The following MTUS2 variants were observed in gnomAD, a reference collection of about 807,000 sequenced individuals.
The protein encoded by MTUS2 is microtubule associated scaffold protein 2, also known as microtubule-associated tumor suppressor candidate 2.
A neutral mutation model predicts 114.1 loss-of-function variants in MTUS2; 40 were observed. The observed-to-expected ratio is 0.35, with a 90% CI of 0.27 to 0.46. MTUS2 has a LOEUF of 0.46. Ranked by LOEUF, MTUS2 falls within the 20% of genes least tolerant of loss-of-function variation. The pLI, the probability that MTUS2 is intolerant of heterozygous loss-of-function variation, is 1.00. For synonymous variants in MTUS2, 688 were observed against 672.0 expected (o/e 1.02, Z -0.37); for missense variants, 1,679 against 1,705.4 (o/e 0.98, Z 0.27).
chr13:28,956,368 C>G (rs1468925399), intron 2 of MTUS2, among the ~76,000 whole-genome samples: 1 of 152,082 alleles, frequency 6.6e-6, no homozygotes, highest in Non-Finnish European at 1.5e-5. Flanking sequence ...GTAGATGGTG[C>G]CACATCAGTT....
chr13:29,059,228 A>ATTTTTTTTT (rs35369352), intron 4 of MTUS2, among the ~76,000 whole-genome samples: 5 of 97,124 alleles, frequency 5.1e-5, no homozygotes, highest in South Asian at 4.4e-4. Context: ...TATTCTTTGG[A>ATTTTTTTTT]TTTTTTTTTT....
chr13:29,307,440 C>T (rs1899526583), intron 6 of MTUS2: 1 of 1,315,480 alleles, frequency 7.6e-7, no homozygotes, highest in Non-Finnish European at 1.1e-6. Flanking sequence ...CCAAGGTCAT[C>T]CCTGAGCTGA....
At chr13:29,354,768 G>A (rs1375124478) in intron 7 of MTUS2, among the ~76,000 whole-genome samples, 1 of 152,162 alleles carries the variant, frequency 6.6e-6, no homozygotes, top group Admixed American at 6.5e-5. Context: ...CCCCAGCCAA[G>A]CCATTGCCAG....
chr13:28,890,521 T>C (rs1418274495), intron 2 of MTUS2, among the ~76,000 whole-genome samples: 1 of 152,170 alleles, frequency 6.6e-6, no homozygotes, highest in Non-Finnish European at 1.5e-5. Flanking sequence ...TCTCCTAGCG[T>C]TTTTATGAGA....
intron 6 of MTUS2, among the ~76,000 whole-genome samples, chr13:29,306,553 A>T (rs1252826280): frequency 6.6e-6 from 1 of 152,238 alleles, no homozygotes; most frequent in Non-Finnish European, 1.5e-5. Context: ...TACAAAAAGA[A>T]TAAAATGCCT....
chr13:28,928,383 A>G lies in MTUS2; in HGVS notation c.-243+88533A>G, dbSNP rs566089049. Among the ~76,000 whole-genome samples, 3 of 152,360 alleles carry G rather than the reference A, an allele frequency of 2.0e-5. No individual in the cohort carries two copies. In the South Asian group the frequency reaches 6.2e-4, roughly 32 times the overall value. On this transcript the variant is annotated intron_variant, in intron 2 of 15. Transcript: ENST00000612955. ...GACAAGGGATTAATAACCAGAATAT[A>G]TAAGGAACTCAGACAACTTAATAGC...
In MTUS2 at chr13:29,504,075, G is replaced by T; in HGVS notation, c.*869G>T. ...TCTCAGACTCGGTCATTAAGCTATT[G>T]TTGCACCCTCCGGAAAACATGGCAG... On this transcript the variant is annotated 3_prime_UTR_variant, in exon 16 of 16. Transcript: ENST00000612955. 4.3e-6 allele frequency: 1 copy of T among 231,726 alleles called. No individual in the cohort carries two copies. Among genetic ancestry groups the T allele is most frequent in the Non-Finnish European group, 8.5e-6 (1 of 117,150 alleles). 14.4% of individuals were successfully genotyped at this position (231,726 alleles called of 1,614,324 possible).
At chr13:28,927,348 G>A (rs1164730028) in intron 2 of MTUS2, among the ~76,000 whole-genome samples, 3 of 152,028 alleles carry the variant, frequency 2.0e-5, no homozygotes, top group Non-Finnish European at 1.5e-5. Flanking sequence ...ATCATTTGAG[G>A]TCAGGAGTTT....
intron 2 of MTUS2, among the ~76,000 whole-genome samples, chr13:28,966,724 C>CAAAAAAA (rs10597818): frequency 5.1e-4 from 42 of 82,234 alleles, no homozygotes; most frequent in Non-Finnish European, 6.9e-4. Flanking sequence ...GACCCTGTCT[C>CAAAAAAA]AAAAAAAAAA....
intron 2 of MTUS2, among the ~76,000 whole-genome samples, chr13:28,895,724 A>G (rs1392545390): frequency 2.0e-5 from 3 of 152,230 alleles, no homozygotes; most frequent in African/African-American, 4.8e-5. Flanking sequence ...ACTGCAGAGA[A>G]GCAGTAGCCC....
chr13:28,989,201 T>C (rs1884714385), intron 2 of MTUS2, among the ~76,000 whole-genome samples: 1 of 152,142 alleles, frequency 6.6e-6, no homozygotes, highest in South Asian at 2.1e-4. Context: ...GAGAATCTGT[T>C]GATATGTGAA....
intron 2 of MTUS2, among the ~76,000 whole-genome samples, chr13:28,898,436 C>T (rs1230454448): frequency 2.6e-5 from 4 of 152,192 alleles, no homozygotes; most frequent in Non-Finnish European, 5.9e-5. Context: ...GGGCCAGAGC[C>T]CTGCTCTTTC....
intron 4 of MTUS2, among the ~76,000 whole-genome samples, chr13:29,059,151 G>A (rs1244859102): frequency 6.6e-6 from 1 of 150,928 alleles, no homozygotes; most frequent in Admixed American, 6.6e-5. Context: ...TTTTCGAATT[G>A]CCAGAGTTCT....
At chr13:28,922,787 T>A (rs1464234497) in intron 2 of MTUS2, among the ~76,000 whole-genome samples, 1 of 152,198 alleles carries the variant, frequency 6.6e-6, no homozygotes, top group African/African-American at 2.4e-5. Flanking sequence ...TAAAACCAGG[T>A]ACTATGAGTG....
rs77899207 is a variant in MTUS2 at position 28,916,769 on chromosome 13, T to C, written c.-243+76919T>C. On this transcript the variant is annotated intron_variant, in intron 2 of 15. Transcript: ENST00000612955. ...TTTCATGCTCTTTATTTCTTTTTCATGTCTGATTGCTCTAGCTGGGACTTC... is the reference window on the plus strand; with the variant it reads ...TTTCATGCTCTTTATTTCTTTTTCACGTCTGATTGCTCTAGCTGGGACTTC... 6.9e-3 allele frequency among the ~76,000 whole-genome samples: 1,054 copies of C among 152,010 alleles called. 5 individuals carry two copies. The highest frequency in any genetic ancestry group is 0.023 in the African/African-American group (964 of 41,546).
intron 5 of MTUS2, among the ~76,000 whole-genome samples, chr13:29,127,144 T>G (rs2138938126): frequency 6.6e-6 from 1 of 152,272 alleles, no homozygotes. Flanking sequence ...CCTTAAAACC[T>G]TAGCTTTAGT....
At chr13:29,379,539 G>A (rs1026761096) in intron 8 of MTUS2, among the ~76,000 whole-genome samples, 1 of 152,134 alleles carries the variant, frequency 6.6e-6, no homozygotes, top group East Asian at 1.9e-4. Context: ...GGTGTAAAAG[G>A]CAACTCCTCT....
At chr13:28,886,427 T>G (rs775323299) in intron 2 of MTUS2, among the ~76,000 whole-genome samples, 14 of 152,046 alleles carry the variant, frequency 9.2e-5, no homozygotes, top group Non-Finnish European at 1.8e-4. Flanking sequence ...CGAAATCGGA[T>G]TTTACTTTCC....
At chr13:29,130,365 C>T (rs1891705686) in intron 5 of MTUS2, among the ~76,000 whole-genome samples, 1 of 152,142 alleles carries the variant, frequency 6.6e-6, no homozygotes, top group Non-Finnish European at 1.5e-5. Flanking sequence ...GCCACTCCAG[C>T]CTCCTCGCTC....
Sources: gnomAD v4.1 joint callset for allele counts (sites outside exome capture counted in the v4.1 genomes callset) on GRCh38, gnomAD v4.1.1 for gene constraint, MANE v1.5 for transcripts, NCBI Gene and HGNC (gene_info 2026-07-23, HGNC 2026-07-21) for gene names.